The following TIMM44 variants were observed in gnomAD, a reference collection of about 807,000 sequenced individuals.
TIMM44 encodes translocase of inner mitochondrial membrane 44.
A neutral mutation model predicts 63.8 loss-of-function variants in TIMM44; 37 were observed. The observed-to-expected ratio is 0.58, with a 90% CI of 0.45 to 0.76. The LOEUF (loss-of-function observed/expected upper bound fraction) is 0.76. TIMM44 is among the 30% of genes least tolerant of loss of function. TIMM44 has a pLI of 0.00. For synonymous variants in TIMM44, 239 were observed against 245.1 expected (o/e 0.98, Z 0.23); for missense variants, 573 against 603.8 (o/e 0.95, Z 0.54).
chr19:7,928,905 AAAAACAAAACAAAAAACC>A (rs1260662147), intron 10 of TIMM44: 1 of 149,756 alleles, frequency 6.7e-6, no homozygotes, highest in Non-Finnish European at 1.5e-5. Flanking sequence ...GTCCCAAGGT[AAAAACAAAACAAAAAACC>A]AAAAAAAAAA....
At chr19:7,937,980 T>G (rs1984202767) in intron 3 of TIMM44, 47 bp downstream of exon 3, 1 of 1,610,690 alleles carries the variant, frequency 6.2e-7, no homozygotes, top group Admixed American at 1.7e-5. Context: ...ATCGCACCAC[T>G]ACTCTCCAGC....
chr19:7,927,790 G>T, intron 11 of TIMM44, 23 bp from the exon 12 acceptor site: 1 of 1,604,168 alleles, frequency 6.2e-7, no homozygotes, highest in Non-Finnish European at 8.5e-7. Flanking sequence ...CGAGAGGGGG[G>T]ATGTGCCTCA....
chr19:7,938,167 CT>C lies in TIMM44; in HGVS notation c.171del (p.Gly58AlafsTer7), dbSNP rs777026234. On this transcript the variant is annotated frameshift_variant, in exon 3 of 13. Coordinates refer to ENST00000270538, the MANE Select transcript of TIMM44 (RefSeq NM_006351.4). LOFTEE classifies it high-confidence loss of function. ...LSKSYSSGNR[K>X]GFLSGLLDNV... ...TTATCTAGCAAGCCGGACAGAAAGC[CT>C]TTTCTGTTTCCAGAAGAATATGATT... The C allele has an allele frequency of 2.5e-6, 4 of 1,613,438 alleles. No homozygotes were observed. Among genetic ancestry groups the C allele is most frequent in the Non-Finnish European group, 3.4e-6 (4 of 1,179,906 alleles).
chr19:7,942,284 G>A (rs995791360), intron 1 of TIMM44, among the ~76,000 whole-genome samples: 3 of 152,166 alleles, frequency 2.0e-5, no homozygotes, highest in Non-Finnish European at 4.4e-5. Context: ...AGTGAGCCGA[G>A]ATCTTGCCTT....
chr19:7,928,034 C>T, intron 11 of TIMM44, 43 bp downstream of exon 11: 1 of 1,574,220 alleles, frequency 6.4e-7, no homozygotes, highest in African/African-American at 1.4e-5. Flanking sequence ...GCCATAGTTC[C>T]CACCCCCGAT....
Position 7,927,027 on chromosome 19 carries a change from G to T in TIMM44, c.*160C>A. ...AGCTGCCGCGCACCCGCAACAGCCC[G>T]TTGTCCCCTCCCGGGCCAGCTGGTC... On this transcript the variant is annotated 3_prime_UTR_variant, in exon 13 of 13. Transcript: ENST00000270538. 9.3e-7 allele frequency: 1 copy of T among 1,070,186 alleles called. No homozygotes were observed. The highest frequency in any genetic ancestry group is 1.4e-6 in the Non-Finnish European group (1 of 738,220). 66.3% of individuals were successfully genotyped at this position (1,070,186 alleles called of 1,614,324 possible). A position where few individuals can be genotyped will look rare whatever the true frequency, so the allele number is the denominator to read the frequency against.
At chr19:7,931,283 G>A in intron 9 of TIMM44, 95 bp from the exon 10 acceptor site, 1 of 1,205,794 alleles carries the variant, frequency 8.3e-7, no homozygotes, top group Non-Finnish European at 1.2e-6. Context: ...GCGGGGTGGG[G>A]AGTTTCCTCA....
chr19:7,933,147 C>A lies in TIMM44; in HGVS notation c.770-215G>T, dbSNP rs905848077. ...AGGCGCAGAGGCCCCTCAGCTGCGG[C>A]CCTAATGGGGCTGTGTAAGTTATGG... On this transcript the variant is annotated intron_variant, in intron 7 of 12. Transcript: ENST00000270538. This position sits in a 1 kb window ranked among gnomAD's most constrained non-coding sequence, Gnocchi z 4.3. Among the ~76,000 whole-genome samples, 7 of 152,178 alleles carry A rather than the reference C, an allele frequency of 4.6e-5. No individual in the cohort carries two copies. Among genetic ancestry groups the A allele is most frequent in the Non-Finnish European group, 8.8e-5 (6 of 68,026 alleles).
In TIMM44 at chr19:7,933,124, G is replaced by A. The variant is rs1336571048; in HGVS notation, c.770-192C>T. On this transcript the variant is annotated intron_variant, in intron 7 of 12. Coordinates refer to ENST00000270538, the MANE Select transcript of TIMM44 (RefSeq NM_006351.4). The surrounding 1 kb of genome is among the most constrained non-coding windows in gnomAD (Gnocchi z 4.3). The stretch of plus-strand genomic sequence containing the variant: ...GCTGCCTGCCCACCTACCTGGCCAG[G>A]CGCAGAGGCCCCTCAGCTGCGGCCC... 1.3e-5 allele frequency among the ~76,000 whole-genome samples: 2 copies of A among 152,174 alleles called. No individual in the cohort carries two copies. The highest frequency in any genetic ancestry group is 4.8e-5 in the African/African-American group (2 of 41,444).
intron 1 of TIMM44, among the ~76,000 whole-genome samples, chr19:7,942,668 T>C (rs2145183360): frequency 6.6e-6 from 1 of 151,434 alleles, no homozygotes; most frequent in East Asian, 2.0e-4. Flanking sequence ...ATAACTTTTT[T>C]TTTTTTTTTT....
rs938394579 is a variant in TIMM44 at position 7,941,073 on chromosome 19, T to A, written c.141+29A>T. On this transcript the variant is annotated intron_variant, in intron 2 of 12. Transcript: ENST00000270538. ...TGAATTTTCGGGCCTCCCCTGTGTC[T>A]GCTGGCCCGAGCATCCTGAGTCACT... 7 of 1,596,980 alleles carry A rather than the reference T, an allele frequency of 4.4e-6. No homozygotes were observed. The African/African-American group carries it at 8.1e-5, about 18-fold the overall frequency.
intron 10 of TIMM44, chr19:7,928,591 T>G: frequency 5.9e-6 from 1 of 169,884 alleles, no homozygotes; most frequent in South Asian, 1.4e-4. Flanking sequence ...CAGCCCCCAG[T>G]GTCACCCTCA....
At chr19:7,929,628 G>A (rs180910273) in intron 10 of TIMM44, among the ~76,000 whole-genome samples, 1 of 152,112 alleles carries the variant, frequency 6.6e-6, no homozygotes, top group Non-Finnish European at 1.5e-5. Context: ...GTGAGCACAG[G>A]GACTCTGCTC....
chr19:7,939,473 C>T (rs568163498), intron 2 of TIMM44, among the ~76,000 whole-genome samples: 3 of 151,678 alleles, frequency 2.0e-5, no homozygotes, highest in Middle Eastern at 3.4e-3. Flanking sequence ...ATTAGCTGGG[C>T]GTGGTGGTGG....
At chr19:7,937,640 A>G (rs1338732790) in intron 3 of TIMM44, among the ~76,000 whole-genome samples, 2 of 152,152 alleles carry the variant, frequency 1.3e-5, no homozygotes, top group African/African-American at 4.8e-5. Context: ...CCCTGCCCCC[A>G]ACCGTCCAGC....
chr19:7,927,809 C>A, intron 11 of TIMM44, 42 bp from the exon 12 acceptor site: 1 of 1,582,428 alleles, frequency 6.3e-7, no homozygotes, highest in Non-Finnish European at 8.6e-7. Context: ...CAGAGGACAG[C>A]CCGGCTGCTC....
chr19:7,927,928 C>T (rs1983861449), intron 11 of TIMM44, 149 bp downstream of exon 11: 1 of 1,091,814 alleles, frequency 9.2e-7, no homozygotes, highest in Non-Finnish European at 1.3e-6. Flanking sequence ...AGGACCAGGC[C>T]TCCCTCGAGA....
Position 7,941,109 on chromosome 19 carries a change from A to G in TIMM44, c.134T>C (p.Leu45Pro). 1 of 1,613,534 alleles carries G rather than the reference A, an allele frequency of 6.2e-7. No individual in the cohort carries two copies. Among genetic ancestry groups the G allele is most frequent in the South Asian group, 1.1e-5 (1 of 91,060 alleles). ...GCATCCTGAGTCACTCACCAGTGGC[A>G]GCTCTCCGCCCGGCCGGCGCATCTG... ...TYQMRRPGGE[L>P]PLSKSYSSGN... Residue 45 changes from leucine to proline, a missense_variant, in exon 2 of 13, where the codon CTG becomes CCG. Leu to Pro is a moderately conservative substitution (Grantham distance 98, BLOSUM62 -3). Coordinates refer to ENST00000270538, the MANE Select transcript of TIMM44 (RefSeq NM_006351.4).
intron 10 of TIMM44, among the ~76,000 whole-genome samples, chr19:7,929,638 C>G (rs1447429289): frequency 6.6e-6 from 1 of 152,154 alleles, no homozygotes; most frequent in Non-Finnish European, 1.5e-5. Flanking sequence ...GGACTCTGCT[C>G]TGGCCTGGGA....
Sources: gnomAD v4.1 joint callset for allele counts (sites outside exome capture counted in the v4.1 genomes callset) on GRCh38, gnomAD v4.1.1 for gene constraint, Gnocchi (gnomAD v3.1) non-coding constraint, MANE v1.5 for transcripts, NCBI Gene and HGNC (gene_info 2026-07-23, HGNC 2026-07-21) for gene names.